Variants in SPECC1 observed in about 807,000 individuals in gnomAD.
The protein encoded by SPECC1 is sperm antigen with calponin homology and coiled-coil domains 1.
SPECC1 carries 62 observed loss-of-function variants against 104.1 expected under a neutral mutation model. The ratio of observed to expected loss-of-function variants is 0.60; its 90% CI spans 0.49 to 0.74. The LOEUF (loss-of-function observed/expected upper bound fraction) is 0.74, where lower values mean the gene tolerates loss of function less well. Ranked by LOEUF, SPECC1 falls within the 30% of genes least tolerant of loss-of-function variation. The probability of loss-of-function intolerance (pLI) is 0.00; values close to 1 mark genes in which losing one functional copy is unlikely to be tolerated. For synonymous variants in SPECC1, 513 were observed against 501.6 expected, an observed-to-expected ratio of 1.02 and a Z score of -0.30; for missense variants, 1,306 against 1,310.5, an observed-to-expected ratio of 1.00 and a Z score of 0.05.
At chr17:20,152,866 C>T (rs146028436) in intron 3 of SPECC1, among the ~76,000 whole-genome samples, 22 of 152,228 alleles carry the variant, frequency 1.4e-4, no homozygotes, top group African/African-American at 5.3e-4. Context: ...TGGGGTTTCA[C>T]CATGTTGGCC....
At chr17:20,164,418 A>G (rs930714638) in intron 3 of SPECC1, among the ~76,000 whole-genome samples, 2 of 151,902 alleles carry the variant, frequency 1.3e-5, no homozygotes, top group South Asian at 4.2e-4. Flanking sequence ...CCTCTCACCT[A>G]AGCCTCCCAA....
chr17:20,044,386 G>T (rs528259148), intron 1 of SPECC1, among the ~76,000 whole-genome samples: 64 of 152,126 alleles, frequency 4.2e-4, no homozygotes, highest in Non-Finnish European at 9.0e-4. Context: ...GGAGGTGAAT[G>T]GTACTGGTTT....
At chr17:20,266,208 A>G (rs1304755454) in intron 12 of SPECC1, among the ~76,000 whole-genome samples, 1 of 152,244 alleles carries the variant, frequency 6.6e-6, no homozygotes, top group Non-Finnish European at 1.5e-5. Flanking sequence ...ATCCATGAGC[A>G]TGGAATGTTT....
At chr17:20,303,825 C>T (rs1205471210) in intron 13 of SPECC1, among the ~76,000 whole-genome samples, 4 of 151,728 alleles carry the variant, frequency 2.6e-5, no homozygotes, top group Admixed American at 6.6e-5. Flanking sequence ...TGGTAGTGGG[C>T]GCGTGTAGTC....
At chr17:20,062,884 C>T (rs982873636) in intron 1 of SPECC1, among the ~76,000 whole-genome samples, 1 of 151,898 alleles carries the variant, frequency 6.6e-6, no homozygotes. Context: ...GACAGGGTTT[C>T]GTCATGTTGG....
chr17:20,063,827 ACC>A (rs10546307), intron 1 of SPECC1, among the ~76,000 whole-genome samples: 43,759 of 151,920 alleles, frequency 0.29, 6,761 homozygotes, highest in Middle Eastern at 0.42. Context: ...CAGGCTAGTA[ACC>A]CTTCCCTCTG....
intron 14 of SPECC1, among the ~76,000 whole-genome samples, chr17:20,307,726 A>C (rs1402853937): frequency 2.0e-5 from 3 of 152,206 alleles, no homozygotes; most frequent in Non-Finnish European, 2.9e-5. Flanking sequence ...TCCCATGCCC[A>C]GAGGGAATTC....
intron 12 of SPECC1, among the ~76,000 whole-genome samples, chr17:20,285,432 C>T (rs1342498313): frequency 6.6e-6 from 1 of 151,568 alleles, no homozygotes; most frequent in African/African-American, 2.4e-5. Context: ...TTTTCCTAAA[C>T]CCTCCTAGAG....
intron 9 of SPECC1, among the ~76,000 whole-genome samples, chr17:20,251,010 G>T (rs1465497669): frequency 1.3e-5 from 2 of 151,820 alleles, no homozygotes; most frequent in Non-Finnish European, 2.9e-5. Flanking sequence ...GTGGATCACT[G>T]GAGGCCAGGA....
intron 1 of SPECC1, among the ~76,000 whole-genome samples, chr17:20,068,922 G>A (rs991747571): frequency 6.6e-6 from 1 of 151,972 alleles, no homozygotes; most frequent in Non-Finnish European, 1.5e-5. Flanking sequence ...TATAGGATTT[G>A]CAAATGATTT....
At chr17:20,282,307 A>T (rs552655449) in intron 12 of SPECC1, among the ~76,000 whole-genome samples, 7 of 152,306 alleles carry the variant, frequency 4.6e-5, no homozygotes, top group Non-Finnish European at 8.8e-5. Context: ...TCCTCTCGCC[A>T]TAGGAAGGCT....
At chr17:20,181,258 T>G (rs562557346) in intron 3 of SPECC1, among the ~76,000 whole-genome samples, 1 of 151,910 alleles carries the variant, frequency 6.6e-6, no homozygotes, top group African/African-American at 2.4e-5. Context: ...ATTCAACTTA[T>G]GAAACTAGAA....
rs1219244413 is a variant in SPECC1, at chr17:20,009,428, A to C, written c.-22+4A>C. ...CGGCGCTGAGCCAGCGGGGCCGGTG[A>C]GTACTAGCCGCGCCGCCAGCCCGCC... On this transcript the variant is annotated splice_donor_region_variant and intron_variant, in intron 1 of 14. Transcript: ENST00000395527. This position sits in a 1 kb window ranked among gnomAD's most constrained non-coding sequence, Gnocchi z 5.2. 1 of 151,946 alleles carries C rather than the reference A, an allele frequency of 6.6e-6. No individual in the cohort carries two copies. The highest frequency in any genetic ancestry group is 1.5e-5 in the Non-Finnish European group (1 of 67,996). The allele number at this position is 151,946 out of a possible 1,614,324, so 9.4% of individuals were successfully genotyped here.
chr17:20,235,678 CT>C (rs2038868526), intron 7 of SPECC1, among the ~76,000 whole-genome samples: 1 of 152,304 alleles, frequency 6.6e-6, no homozygotes, highest in East Asian at 1.9e-4. Context: ...AATGCCATTA[CT>C]TTTAGGGTGA....
intron 14 of SPECC1, among the ~76,000 whole-genome samples, chr17:20,313,503 T>G (rs1326493645): frequency 6.6e-6 from 1 of 152,194 alleles, no homozygotes; most frequent in African/African-American, 2.4e-5. Context: ...GAGTGCACAT[T>G]CACTAGAATG....
intron 1 of SPECC1, among the ~76,000 whole-genome samples, chr17:20,051,117 T>TTCTTTCCTTCTTTCCTTCTTTCC (rs2045749031): frequency 1.1e-5 from 1 of 92,798 alleles, no homozygotes; most frequent in Non-Finnish European, 2.6e-5. Flanking sequence ...TCTTTCTTTC[T>TTCTTTCCTTCTTTCCTTCTTTCC]TTCTTTCTTT....
intron 3 of SPECC1, among the ~76,000 whole-genome samples, chr17:20,120,100 C>T (rs1367503020): frequency 6.6e-6 from 1 of 152,170 alleles, no homozygotes; most frequent in Non-Finnish European, 1.5e-5. Flanking sequence ...TTTAAAATCT[C>T]AGTACTGCCG....
chr17:20,095,962 C>T (rs566429690), intron 1 of SPECC1: 1 of 152,398 alleles, frequency 6.6e-6, no homozygotes, highest in South Asian at 2.1e-4. Flanking sequence ...AGTGCCGGTC[C>T]CTGCTGGCCA....
intron 3 of SPECC1, among the ~76,000 whole-genome samples, chr17:20,148,573 G>T (rs906707550): frequency 7.0e-6 from 1 of 143,338 alleles, no homozygotes; most frequent in African/African-American, 2.6e-5. Context: ...AGCAATAAAA[G>T]AACTTATATA....
Sources: allele counts gnomAD v4.1 joint callset (sites outside exome capture counted in the v4.1 genomes callset), GRCh38; gene constraint gnomAD v4.1.1; non-coding constraint Gnocchi (gnomAD v3.1); transcripts MANE v1.5; gene names NCBI Gene and HGNC (gene_info 2026-07-23, HGNC 2026-07-21).